CD34: variants seen among roughly 807,000 people sequenced by gnomAD.
CD34 encodes hematopoietic progenitor cell antigen CD34.
CD34 carries 34 observed loss-of-function variants against 40.1 expected under a neutral mutation model. That is an observed-to-expected ratio of 0.85 (90% CI 0.65 to 1.13). The LOEUF (loss-of-function observed/expected upper bound fraction) is 1.13. Ranked by LOEUF, CD34 falls within the 50% of genes most tolerant of loss-of-function variation. The pLI is 0.00. For missense variants in CD34, 426 were observed against 466.9 expected (o/e 0.91, Z 0.81); for synonymous variants, 209 against 190.0 (o/e 1.10, Z -0.82).
At chr1:207,900,914 T>C (rs1191073432) in intron 1 of CD34, among the ~76,000 whole-genome samples, 2 of 152,108 alleles carry the variant, frequency 1.3e-5, no homozygotes, top group Non-Finnish European at 1.5e-5. Context: ...AGTATTATAG[T>C]ATAATGTTTT....
At chr1:207,889,404 C>T in intron 5 of CD34, 61 bp downstream of exon 5, 1 of 1,557,678 alleles carries the variant, frequency 6.4e-7, no homozygotes, top group South Asian at 1.2e-5. Flanking sequence ...CATCTCCACC[C>T]AGGATTCTCT....
At chr1:207,901,358 G>C (rs957488136) in intron 1 of CD34, among the ~76,000 whole-genome samples, 1 of 152,236 alleles carries the variant, frequency 6.6e-6, no homozygotes, top group East Asian at 1.9e-4. Context: ...ACGATGGGCC[G>C]CTTCTCCCAG....
At chr1:207,907,420 C>T (rs927731643) in intron 1 of CD34, among the ~76,000 whole-genome samples, 9 of 152,136 alleles carry the variant, frequency 5.9e-5, no homozygotes, top group Admixed American at 2.0e-4. Flanking sequence ...AATTCAGCCT[C>T]CTGCCTACCT....
At chr1:207,897,594 TAACAAA>T in intron 3 of CD34, 21 bp from the exon 4 acceptor site, 2 of 1,528,316 alleles carry the variant, frequency 1.3e-6, no homozygotes, top group Non-Finnish European at 1.8e-6. Context: ...ACAAAAACAA[TAACAAA>T]AACAAAGTAA....
At chr1:207,889,767 A>C (rs1558117961) in intron 4 of CD34, 146 bp from the exon 5 acceptor site, 2 of 1,583,616 alleles carry the variant, frequency 1.3e-6, no homozygotes, top group Non-Finnish European at 1.7e-6. Flanking sequence ...AAAAAAAAAA[A>C]CTGCTAACTG....
At chr1:207,893,066 C>A (rs1662069430) in intron 4 of CD34, among the ~76,000 whole-genome samples, 1 of 152,176 alleles carries the variant, frequency 6.6e-6, no homozygotes, top group South Asian at 2.1e-4. Flanking sequence ...TAAACATCCT[C>A]CCCCAAGAGA....
intron 4 of CD34, among the ~76,000 whole-genome samples, chr1:207,895,948 G>T (rs938297014): frequency 2.0e-5 from 3 of 152,168 alleles, no homozygotes; most frequent in African/African-American, 7.2e-5. Flanking sequence ...CTATTTTGCA[G>T]ACTGCATTTA....
intron 4 of CD34, among the ~76,000 whole-genome samples, chr1:207,896,436 T>C (rs1308554951): frequency 6.6e-6 from 1 of 152,180 alleles, no homozygotes; most frequent in African/African-American, 2.4e-5. Context: ...TTGTAGTAGA[T>C]AACAAGATAG....
At chr1:207,899,292 C>T in intron 2 of CD34, 66 bp from the exon 3 acceptor site, 1 of 1,543,038 alleles carries the variant, frequency 6.5e-7, no homozygotes, top group African/African-American at 1.4e-5. Flanking sequence ...AATCTCAGGT[C>T]ATGATATGGG....
At chr1:207,901,489 G>A (rs778904451) in intron 1 of CD34, among the ~76,000 whole-genome samples, 4 of 152,222 alleles carry the variant, frequency 2.6e-5, no homozygotes, top group African/African-American at 7.2e-5. Flanking sequence ...TGTGGGTGGG[G>A]TGTCCCAGGC....
chr1:207,899,002 A>AT lies in CD34; in HGVS notation c.486dup (p.Ser163IlefsTer8). 6.2e-7 allele frequency: 1 copy of AT among 1,614,158 alleles called. No individual in the cohort carries two copies. Among genetic ancestry groups the AT allele is most frequent in the Non-Finnish European group, 8.5e-7 (1 of 1,180,034 alleles). ...ATGTCACTTAGGATAGGAGAAGATG[A>AT]TGTATAGGGTTTAGTGGGAGATGTT... On this transcript the variant is annotated frameshift_variant, in exon 3 of 8. Coordinates refer to ENST00000310833, the MANE Select transcript of CD34 (RefSeq NM_001025109.2). LOFTEE classifies it high-confidence loss of function.
rs1661863822 is a variant in CD34, at chr1:207,884,678, G to T, written c.*3060C>A. The T allele has an allele frequency of 2.0e-5, 3 of 152,214 alleles. No homozygotes were observed. The highest frequency in any genetic ancestry group is 2.9e-5 in the Non-Finnish European group (2 of 68,042). 9.4% of individuals were successfully genotyped at this position (152,214 alleles called of 1,614,324 possible). On this transcript the variant is annotated 3_prime_UTR_variant, in exon 8 of 8. Transcript: ENST00000310833. Reference sequence around the variant, plus strand: ...GATGGTATTCCCATTTATCCATTCAGATGAAAATCTGGCTGAAGATAATTC... The same window carrying T: ...GATGGTATTCCCATTTATCCATTCATATGAAAATCTGGCTGAAGATAATTC...
At chr1:207,900,837 G>A (rs1662259108) in intron 1 of CD34, among the ~76,000 whole-genome samples, 1 of 152,108 alleles carries the variant, frequency 6.6e-6, no homozygotes, top group Non-Finnish European at 1.5e-5. Flanking sequence ...TTAAGTAAGG[G>A]TCTTTTCTGG....
intron 4 of CD34, among the ~76,000 whole-genome samples, chr1:207,896,015 A>C (rs549211001): frequency 2.6e-4 from 40 of 152,336 alleles, no homozygotes; most frequent in African/African-American, 9.4e-4. Flanking sequence ...TAGATGTCCT[A>C]AGTTAAATTC....
chr1:207,895,263 T>G (rs555413056), intron 4 of CD34, among the ~76,000 whole-genome samples: 4 of 152,192 alleles, frequency 2.6e-5, no homozygotes, highest in African/African-American at 9.6e-5. Context: ...TGGCTAAACA[T>G]TTTGGAACAG....
At chr1:207,889,444 C>A in intron 5 of CD34, 21 bp downstream of exon 5, 2 of 1,598,392 alleles carry the variant, frequency 1.3e-6, no homozygotes, top group Non-Finnish European at 1.7e-6. Context: ...CCCTGTTCCC[C>A]CAGGCAGAGG....
chr1:207,883,027 TA>T lies in CD34; in HGVS notation c.*4710del, dbSNP rs1238950825. ...ACCTGGCTTATAATAAGCACTCAAA[TA>T]TTTTTTGAATAAATGAATAAATTAA... On this transcript the variant is annotated 3_prime_UTR_variant, in exon 8 of 8. Coordinates refer to ENST00000310833, the MANE Select transcript of CD34 (RefSeq NM_001025109.2). 1 of 152,338 alleles carries T rather than the reference TA, an allele frequency of 6.6e-6. No individual in the cohort carries two copies. The highest frequency in any genetic ancestry group is 1.9e-4 in the East Asian group (1 of 5,188). 9.4% of individuals were successfully genotyped at this position (152,338 alleles called of 1,614,324 possible). A position where few individuals can be genotyped will look rare whatever the true frequency, so the allele number is the denominator to read the frequency against.
chr1:207,889,478 C>T lies in CD34; in HGVS notation c.741G>A (p.Leu247=), dbSNP rs1661983286. Residue 247 remains leucine, a synonymous_variant, in exon 5 of 8, where the codon TTG becomes TTA. Transcript: ENST00000310833. The part of the protein sequence containing the change: ...EVRPQCLLLV[L]ANRTEISSKL... ...GGTGCACCTTACCTGTTCTGTTGGCCAAGACCAGCAGTAGACACTGAGGCC... is the reference window on the plus strand; with the variant it reads ...GGTGCACCTTACCTGTTCTGTTGGCTAAGACCAGCAGTAGACACTGAGGCC... The T allele has an allele frequency of 2.5e-6, 4 of 1,612,498 alleles. No individual in the cohort carries two copies. The highest frequency in any genetic ancestry group is 3.4e-6 in the Non-Finnish European group (4 of 1,179,108).
chr1:207,887,577 C>G lies in CD34; in HGVS notation c.*161G>C. ...TGTAAAGGACAGGAGTTTACCTGCC[C>G]CTCCTCAAGGTGTAGGGCCCCAAGA... On this transcript the variant is annotated 3_prime_UTR_variant, in exon 8 of 8. Coordinates refer to ENST00000310833, the MANE Select transcript of CD34 (RefSeq NM_001025109.2). 1 of 972,026 alleles carries G rather than the reference C, an allele frequency of 1.0e-6. No homozygotes were observed. The highest frequency in any genetic ancestry group is 1.5e-6 in the Non-Finnish European group (1 of 670,730). 60.2% of individuals were successfully genotyped at this position (972,026 alleles called of 1,614,324 possible).
Sources: gnomAD v4.1 joint callset for allele counts (sites outside exome capture counted in the v4.1 genomes callset) on GRCh38, gnomAD v4.1.1 for gene constraint, MANE v1.5 for transcripts, NCBI Gene and HGNC (gene_info 2026-07-23, HGNC 2026-07-21) for gene names.